Variants in LRMDA observed in about 807,000 individuals in gnomAD.
LRMDA encodes the protein leucine-rich melanocyte differentiation-associated protein.
Under a neutral mutation model 29.8 loss-of-function variants are expected in LRMDA, and 18 were observed. That is an observed-to-expected ratio of 0.60 (90% CI 0.42 to 0.90). The LOEUF (loss-of-function observed/expected upper bound fraction) is 0.90. Ranked by LOEUF, LRMDA falls within the 40% of genes least tolerant of loss-of-function variation. The probability of loss-of-function intolerance (pLI) is 0.00; values close to 1 mark genes in which losing one functional copy is unlikely to be tolerated. For missense variants in LRMDA, 273 were observed against 273.9 expected (o/e 1.00, Z 0.02); for synonymous variants, 125 against 109.4 (o/e 1.14, Z -0.89).
At chr10:76,259,927 G>A (rs11001711) in intron 5 of LRMDA, among the ~76,000 whole-genome samples, 369 of 151,894 alleles carry the variant, frequency 2.4e-3, no homozygotes, top group Middle Eastern at 3.4e-3. Flanking sequence ...CTTTGTGTGG[G>A]ATATCTTTTT....
At chr10:76,002,931 G>A (rs948083390) in intron 2 of LRMDA, among the ~76,000 whole-genome samples, 5 of 152,106 alleles carry the variant, frequency 3.3e-5, no homozygotes, top group African/African-American at 1.2e-4. Context: ...TCAGCTTGAG[G>A]GTTTTTCACC....
At chr10:75,467,403 T>A (rs1844665980) in intron 2 of LRMDA, among the ~76,000 whole-genome samples, 1 of 152,204 alleles carries the variant, frequency 6.6e-6, no homozygotes, top group South Asian at 2.1e-4. Flanking sequence ...ACTGAGTGTC[T>A]AAGTTGTGTG....
At chr10:76,295,392 T>G (rs1264641147) in intron 5 of LRMDA, among the ~76,000 whole-genome samples, 1 of 152,214 alleles carries the variant, frequency 6.6e-6, no homozygotes, top group Non-Finnish European at 1.5e-5. Flanking sequence ...AATTCATTGT[T>G]ATACTGAGAA....
chr10:76,333,316 G>T (rs1840926708), intron 6 of LRMDA, among the ~76,000 whole-genome samples: 1 of 152,150 alleles, frequency 6.6e-6, no homozygotes, highest in Non-Finnish European at 1.5e-5. Flanking sequence ...CAGTATCCAG[G>T]GGTAATTGGA....
chr10:75,690,559 T>C (rs1306334428), intron 2 of LRMDA, among the ~76,000 whole-genome samples: 1 of 152,118 alleles, frequency 6.6e-6, no homozygotes, highest in African/African-American at 2.4e-5. Context: ...CTAGTTATCC[T>C]CCTGCCTGAG....
At chr10:75,860,453 C>G (rs1435709285) in intron 2 of LRMDA, among the ~76,000 whole-genome samples, 1 of 151,248 alleles carries the variant, frequency 6.6e-6, no homozygotes, top group East Asian at 2.0e-4. Flanking sequence ...TCCTGAGTAT[C>G]CGGGATTAAA....
intron 2 of LRMDA, among the ~76,000 whole-genome samples, chr10:75,491,523 G>A (rs966997801): frequency 5.3e-5 from 8 of 152,122 alleles, no homozygotes; most frequent in Non-Finnish European, 8.8e-5. Context: ...AGCCGCCAGG[G>A]CCAGGGAGCA....
intron 6 of LRMDA, among the ~76,000 whole-genome samples, chr10:76,339,144 A>G (rs1841006024): frequency 6.6e-6 from 1 of 152,142 alleles, no homozygotes; most frequent in Non-Finnish European, 1.5e-5. Context: ...AAACAGTCAC[A>G]AATTGGCTCA....
At chr10:75,576,799 C>A (rs1273908585) in intron 2 of LRMDA, among the ~76,000 whole-genome samples, 1 of 152,160 alleles carries the variant, frequency 6.6e-6, no homozygotes, top group African/African-American at 2.4e-5. Flanking sequence ...GCAGAGGGGC[C>A]TGTTAGAAGG....
chr10:76,533,699 C>T (rs1287288143), intron 6 of LRMDA, among the ~76,000 whole-genome samples: 3 of 152,126 alleles, frequency 2.0e-5, no homozygotes, highest in Non-Finnish European at 4.4e-5. Flanking sequence ...AATGGTTCTG[C>T]AGCATTGCCA....
chr10:76,095,271 G>A (rs894688325), intron 5 of LRMDA, among the ~76,000 whole-genome samples: 1 of 152,198 alleles, frequency 6.6e-6, no homozygotes, highest in Non-Finnish European at 1.5e-5. Context: ...TTATCATAAC[G>A]CATGTAAGAT....
intron 2 of LRMDA, among the ~76,000 whole-genome samples, chr10:75,544,468 C>A (rs1840053954): frequency 6.6e-6 from 1 of 152,100 alleles, no homozygotes; most frequent in African/African-American, 2.4e-5. Context: ...TGGAAAAAAC[C>A]TTCAGAATTC....
intron 2 of LRMDA, chr10:75,743,423 TGTTTC>T (rs1842853865): frequency 6.6e-6 from 1 of 152,334 alleles, no homozygotes; most frequent in Non-Finnish European, 1.5e-5. Context: ...AACTGCTTCC[TGTTTC>T]GTCTGGTAAC....
intron 2 of LRMDA, among the ~76,000 whole-genome samples, chr10:75,866,180 G>A (rs1038761057): frequency 5.3e-5 from 8 of 152,202 alleles, no homozygotes; most frequent in African/African-American, 1.9e-4. Flanking sequence ...GGGCAGTGAG[G>A]GATCAGGATG....
At chr10:75,665,273 G>A (rs1030121031) in intron 2 of LRMDA, among the ~76,000 whole-genome samples, 3 of 152,208 alleles carry the variant, frequency 2.0e-5, no homozygotes, top group African/African-American at 7.2e-5. Context: ...TGAGGAAACT[G>A]AAGCCTAGAG....
intron 6 of LRMDA, among the ~76,000 whole-genome samples, chr10:76,381,418 T>C (rs1366968733): frequency 6.6e-6 from 1 of 152,160 alleles, no homozygotes; most frequent in Non-Finnish European, 1.5e-5. Context: ...TATCTGGTAA[T>C]TGGCTGGGGA....
intron 2 of LRMDA, among the ~76,000 whole-genome samples, chr10:75,625,214 G>C (rs1193888872): frequency 6.6e-6 from 1 of 152,174 alleles, no homozygotes; most frequent in South Asian, 2.1e-4. Flanking sequence ...GTGTTGAGTG[G>C]TTGCTGCATA....
At chr10:76,384,974 A>C (rs2132476488) in intron 6 of LRMDA, among the ~76,000 whole-genome samples, 1 of 152,328 alleles carries the variant, frequency 6.6e-6, no homozygotes, top group South Asian at 2.1e-4. Flanking sequence ...GTCTGGGAAA[A>C]GCCTCTTCAG....
At chr10:76,552,076 C>T (rs1843502506) in intron 6 of LRMDA, among the ~76,000 whole-genome samples, 1 of 152,150 alleles carries the variant, frequency 6.6e-6, no homozygotes, top group African/African-American at 2.4e-5. Flanking sequence ...ATAATGATCC[C>T]TAAAGTGATG....
Sources: allele counts gnomAD v4.1 joint callset (sites outside exome capture counted in the v4.1 genomes callset), GRCh38; gene constraint gnomAD v4.1.1; transcripts MANE v1.5; gene names NCBI Gene and HGNC (gene_info 2026-07-23, HGNC 2026-07-21).